The following XRCC6 variants were observed in gnomAD, a reference collection of about 807,000 sequenced individuals.
The protein encoded by XRCC6 is X-ray repair cross complementing 6.
Under a neutral mutation model 65.7 loss-of-function variants are expected in XRCC6, and 5 were observed. The ratio of observed to expected loss-of-function variants is 0.08; its 90% CI spans 0.04 to 0.16. The LOEUF (loss-of-function observed/expected upper bound fraction) is 0.16. XRCC6 is among the 10% of genes least tolerant of loss of function. The pLI, the probability that XRCC6 is intolerant of heterozygous loss-of-function variation, is 1.00. For synonymous variants in XRCC6, 270 were observed against 270.6 expected, an observed-to-expected ratio of 1.00 and a Z score of 0.02; for missense variants, 447 against 738.1, an observed-to-expected ratio of 0.61 and a Z score of 4.57.
At chr22:41,625,501 A>C (rs1294613366) in intron 2 of XRCC6, among the ~76,000 whole-genome samples, 1 of 152,234 alleles carries the variant, frequency 6.6e-6, no homozygotes, top group South Asian at 2.1e-4. Context: ...ATAGTGGCAC[A>C]TGCCCGTAAT....
At chr22:41,645,615 G>A (rs73424916) in intron 6 of XRCC6, among the ~76,000 whole-genome samples, 10,084 of 151,830 alleles carry the variant, frequency 0.066, 1,080 homozygotes, top group African/African-American at 0.23. Context: ...TCGGGGAAGG[G>A]TAATTCCCAA....
chr22:41,658,140 G>A, intron 10 of XRCC6, 112 bp from the exon 11 acceptor site: 2 of 995,708 alleles, frequency 2.0e-6, no homozygotes, highest in Non-Finnish European at 3.0e-6. Flanking sequence ...GTTTTACTTG[G>A]GGTGTTTTTC....
At chr22:41,646,699 T>C (rs1175110885) in intron 6 of XRCC6, among the ~76,000 whole-genome samples, 197 bp from the exon 7 acceptor site, 1 of 152,188 alleles carries the variant, frequency 6.6e-6, no homozygotes, top group African/African-American at 2.4e-5. Context: ...TTGTTTTAAG[T>C]AGTTAATATA....
At chr22:41,658,167 C>T in intron 10 of XRCC6, 85 bp from the exon 11 acceptor site, 1 of 1,382,270 alleles carries the variant, frequency 7.2e-7, no homozygotes, top group Admixed American at 1.8e-5. Flanking sequence ...CACCCCGGAC[C>T]TGTAGTATCT....
chr22:41,655,069 C>A (rs1365913024), intron 9 of XRCC6, among the ~76,000 whole-genome samples: 1 of 152,186 alleles, frequency 6.6e-6, no homozygotes, highest in Non-Finnish European at 1.5e-5. Context: ...TCTTGGTTAT[C>A]AGATTGACTG....
chr22:41,632,017 G>A lies in XRCC6; in HGVS notation c.195+3787G>A, dbSNP rs535345201. 5.5e-3 allele frequency among the ~76,000 whole-genome samples: 844 copies of A among 152,190 alleles called. 6 individuals carry two copies. Among genetic ancestry groups the A allele is most frequent in the South Asian group, 0.019 (91 of 4,816 alleles). On this transcript the variant is annotated intron_variant, in intron 3 of 12. Coordinates refer to ENST00000360079, the MANE Select transcript of XRCC6 (RefSeq NM_001469.5). Reference sequence around the variant, plus strand: ...GCGGCACGCGCCTGCAATCGCAGGTGCTCGGCAGGCTGAGGCAGGAGAATC... The same window carrying A: ...GCGGCACGCGCCTGCAATCGCAGGTACTCGGCAGGCTGAGGCAGGAGAATC...
chr22:41,630,235 GC>G (rs2147072525), intron 3 of XRCC6, among the ~76,000 whole-genome samples: 1 of 151,890 alleles, frequency 6.6e-6, no homozygotes, highest in Non-Finnish European at 1.5e-5. Flanking sequence ...GCTCGCCTCG[GC>G]CTTCCAAAGT....
chr22:41,650,245 C>G (rs1026460792), intron 7 of XRCC6, among the ~76,000 whole-genome samples: 1 of 151,934 alleles, frequency 6.6e-6, no homozygotes, highest in Non-Finnish European at 1.5e-5. Flanking sequence ...GCTGGGACCA[C>G]AGGTGTGTAC....
At chr22:41,634,535 T>G (rs1292642411) in intron 3 of XRCC6, among the ~76,000 whole-genome samples, 5 of 145,988 alleles carry the variant, frequency 3.4e-5, no homozygotes, top group Non-Finnish European at 7.4e-5. Flanking sequence ...CCCCTAGAAC[T>G]GATGAACTCT....
Position 41,649,145 on chromosome 22 carries a change from T to A in XRCC6, c.961-1578T>A, listed in dbSNP as rs1426618818. Among the ~76,000 whole-genome samples the A allele has an allele frequency of 1.2e-3, 149 of 124,592 alleles. 1 individual carries two copies. The highest frequency in any genetic ancestry group is 4.2e-3 in the Middle Eastern group (1 of 240). The allele number at this position is 124,592 out of a possible 152,430, so 81.7% of individuals were successfully genotyped here. A position where few individuals can be genotyped will look rare whatever the true frequency, so the allele number is the denominator to read the frequency against. ...AGAGTACAAAAAAAAAAAAAATATA[T>A]ATATATATATATATATATGTATGTA... On this transcript the variant is annotated intron_variant, in intron 7 of 12. Transcript: ENST00000360079.
intron 10 of XRCC6, 102 bp downstream of exon 10, chr22:41,657,134 A>T: frequency 7.3e-7 from 1 of 1,362,990 alleles, no homozygotes; most frequent in Non-Finnish European, 9.7e-7. Context: ...CTTTTCAGCA[A>T]ACTGACAGAT....
chr22:41,633,417 C>T (rs1430591366), intron 3 of XRCC6, among the ~76,000 whole-genome samples: 4 of 149,388 alleles, frequency 2.7e-5, no homozygotes, highest in Non-Finnish European at 4.4e-5. Context: ...TTTTTTGAGA[C>T]GGAGTCTCGC....
At chr22:41,654,418 A>C (rs1220830984) in intron 9 of XRCC6, among the ~76,000 whole-genome samples, 2 of 152,136 alleles carry the variant, frequency 1.3e-5, no homozygotes, top group African/African-American at 4.8e-5. Flanking sequence ...GGCTGAAATG[A>C]TCCAAACCTA....
chr22:41,663,904 C>T lies in XRCC6; in HGVS notation c.*89C>T, dbSNP rs2068123623. ...CCAGTTAAAATGTGTTTCTCCTGAG[C>T]TAGGAAGAGTCTACCCGACATAAGT... On this transcript the variant is annotated 3_prime_UTR_variant, in exon 13 of 13. Transcript: ENST00000360079. The T allele has an allele frequency of 7.1e-7, 1 of 1,401,264 alleles. No individual in the cohort carries two copies. The highest frequency in any genetic ancestry group is 9.7e-7 in the Non-Finnish European group (1 of 1,030,512). 86.8% of individuals were successfully genotyped at this position (1,401,264 alleles called of 1,614,324 possible). A position where few individuals can be genotyped will look rare whatever the true frequency, so the allele number is the denominator to read the frequency against.
At chr22:41,622,757 G>A (rs571066155) in intron 2 of XRCC6, among the ~76,000 whole-genome samples, 2 of 152,122 alleles carry the variant, frequency 1.3e-5, no homozygotes, top group South Asian at 4.2e-4. Flanking sequence ...TGGTTAACAC[G>A]GTGAAACCCC....
chr22:41,638,121 A>G (rs2067829486), intron 6 of XRCC6, among the ~76,000 whole-genome samples: 2 of 152,110 alleles, frequency 1.3e-5, no homozygotes, highest in African/African-American at 4.8e-5. Flanking sequence ...AGCAGAAGCT[A>G]TTTGCTGCTT....
chr22:41,647,137 C>T (rs956909511), intron 7 of XRCC6, 55 bp downstream of exon 7: 43 of 1,587,948 alleles, frequency 2.7e-5, no homozygotes, highest in Admixed American at 1.7e-4. Context: ...CTCATTGTGT[C>T]GCCCAGGCTG....
At chr22:41,631,383 C>G (rs890781094) in intron 3 of XRCC6, among the ~76,000 whole-genome samples, 15 of 148,936 alleles carry the variant, frequency 1.0e-4, no homozygotes, top group Non-Finnish European at 1.8e-4. Context: ...GGGCGGCTCC[C>G]GGACAGAGGG....
intron 6 of XRCC6, among the ~76,000 whole-genome samples, chr22:41,641,398 GTAA>G (rs2067874852): frequency 1.3e-5 from 2 of 152,130 alleles, no homozygotes; most frequent in South Asian, 4.1e-4. Flanking sequence ...CATGCAATGC[GTAA>G]TAATTACATC....
Sources: gnomAD v4.1 joint callset for allele counts (sites outside exome capture counted in the v4.1 genomes callset) on GRCh38, gnomAD v4.1.1 for gene constraint, MANE v1.5 for transcripts, NCBI Gene and HGNC (gene_info 2026-07-23, HGNC 2026-07-21) for gene names.